The following SPG11 variants were observed in gnomAD, a reference collection of about 807,000 sequenced individuals.
SPG11 encodes SPG11 vesicle trafficking associated, spatacsin, also known as spatacsin.
SPG11 carries 222 observed loss-of-function variants against 274.0 expected under a neutral mutation model. The observed-to-expected ratio is 0.81, with a 90% CI of 0.73 to 0.91. SPG11 has a LOEUF of 0.91. Ranked by LOEUF, SPG11 falls within the 40% of genes least tolerant of loss-of-function variation. The pLI, the probability that SPG11 is intolerant of heterozygous loss-of-function variation, is 0.00. For synonymous variants in SPG11, 1,144 were observed against 1,039.7 expected (o/e 1.10, Z -1.93); for missense variants, 3,114 against 2,872.7 (o/e 1.08, Z -1.92).
chr15:44,570,742 C>T (rs1226938103), intron 33 of SPG11, 84 bp from the exon 34 acceptor site: 2 of 1,551,068 alleles, frequency 1.3e-6, no homozygotes, highest in Non-Finnish European at 1.7e-6. Flanking sequence ...GGAAAAAGGG[C>T]CTGGTGGAGA....
intron 7 of SPG11, among the ~76,000 whole-genome samples, chr15:44,639,051 A>T (rs1386443014): frequency 1.3e-5 from 2 of 151,924 alleles, no homozygotes; most frequent in Non-Finnish European, 2.9e-5. Flanking sequence ...TATCCTGCGT[A>T]TTTTTTTACA....
intron 20 of SPG11, among the ~76,000 whole-genome samples, chr15:44,604,733 C>A (rs562921213): frequency 1.3e-5 from 2 of 151,958 alleles, no homozygotes; most frequent in East Asian, 1.9e-4. Flanking sequence ...TCGAGACCAT[C>A]CTGGCTAACA....
In SPG11 at chr15:44,621,746, C is replaced by G; in HGVS notation, c.2620+13G>C. On this transcript the variant is annotated intron_variant, in intron 14 of 39. Transcript: ENST00000261866. ...ATTCAGTATGTTCATATTTCAGGCT[C>G]TCTCACACTTGCCTTCTGGACTTAT... 1 of 1,613,132 alleles carries G rather than the reference C, an allele frequency of 6.2e-7. No homozygotes were observed. The highest frequency in any genetic ancestry group is 8.5e-7 in the Non-Finnish European group (1 of 1,179,206).
chr15:44,612,731 A>ATT (rs200000184), intron 17 of SPG11, among the ~76,000 whole-genome samples: 2 of 148,712 alleles, frequency 1.3e-5, no homozygotes, highest in South Asian at 4.2e-4. Flanking sequence ...GTGGCTTCTA[A>ATT]TTTTTTTTTT....
At chr15:44,648,061 TAA>T (rs1357710032) in intron 7 of SPG11, among the ~76,000 whole-genome samples, 3 of 152,214 alleles carry the variant, frequency 2.0e-5, no homozygotes, top group Non-Finnish European at 4.4e-5. Flanking sequence ...ACTGAAAGCC[TAA>T]GTTTCTTCAT....
In SPG11 at chr15:44,617,720, G is replaced by A. The variant is rs538571451; in HGVS notation, c.2835-2154C>T. Among the ~76,000 whole-genome samples the A allele has an allele frequency of 4.6e-5, 7 of 152,072 alleles. No homozygotes were observed. The South Asian group carries it at 8.3e-4, about 18-fold the overall frequency. ...AGATGGATTCTCACTCTGTCTCCCA[G>A]GCTGGAGTTCAGTGGCTTGATCTTG... is the stretch of plus-strand genomic sequence containing the variant. On this transcript the variant is annotated intron_variant, in intron 15 of 39. Coordinates refer to ENST00000261866, the MANE Select transcript of SPG11 (RefSeq NM_025137.4).
chr15:44,638,445 A>C (rs1183714553), intron 7 of SPG11, among the ~76,000 whole-genome samples: 1 of 151,970 alleles, frequency 6.6e-6, no homozygotes, highest in African/African-American at 2.4e-5. Context: ...TGGGCGACAG[A>C]GCAAGACTCC....
In SPG11 at chr15:44,606,282, T is replaced by C. The variant is rs1036274761; in HGVS notation, c.3454-191A>G. 5.6e-6 allele frequency: 3 copies of C among 538,902 alleles called. No individual in the cohort carries two copies. The African/African-American group carries it at 5.7e-5, about 10-fold the overall frequency. The allele number at this position is 538,902 out of a possible 1,614,324, so 33.4% of individuals were successfully genotyped here. A position where few individuals can be genotyped will look rare whatever the true frequency, so the allele number is the denominator to read the frequency against. On this transcript the variant is annotated intron_variant, in intron 19 of 39. Transcript: ENST00000261866. ...ATTATGACATATCTTTATATCTTAA[T>C]TAAAACAGAACTGGCTATGTTCCTT...
At chr15:44,627,753 C>A (rs897764472) in intron 10 of SPG11, among the ~76,000 whole-genome samples, 1 of 152,024 alleles carries the variant, frequency 6.6e-6, no homozygotes, top group Non-Finnish European at 1.5e-5. Context: ...CCACACCTGG[C>A]TAATTTTTTT....
Position 44,584,049 on chromosome 15 carries a change from T to C in SPG11, c.5631A>G (p.Ser1877=). The C allele has an allele frequency of 1.9e-6, 3 of 1,614,246 alleles. No individual in the cohort carries two copies. Among genetic ancestry groups the C allele is most frequent in the Non-Finnish European group, 1.7e-6 (2 of 1,180,036 alleles). ...ENRLDWKEQE[S]LNFLIGRLLD... ...GTAGGCGCCCAATCAAAAAGTTTAG[T>C]GACTCCTGCTCTTTCCAATCCAATC... Residue 1877 remains serine (S), a synonymous_variant, in exon 30 of 40, where the codon TCA becomes TCG. Transcript: ENST00000261866.
At chr15:44,616,134 C>G (rs913293940) in intron 15 of SPG11, among the ~76,000 whole-genome samples, 1 of 151,862 alleles carries the variant, frequency 6.6e-6, no homozygotes, top group Non-Finnish European at 1.5e-5. Flanking sequence ...TGGTATATTC[C>G]TTCCCAACTG....
rs916667554 is a variant in SPG11 at position 44,575,266 on chromosome 15, T to C, written c.5867-225A>G. 9 of 544,544 alleles carry C rather than the reference T, an allele frequency of 1.7e-5. No homozygotes were observed. In the African/African-American group the frequency reaches 1.7e-4, roughly 10 times the overall value. The allele number at this position is 544,544 out of a possible 1,614,324, so 33.7% of individuals were successfully genotyped here. ...TCAAAGACCTCATATGCTACAAAGA[T>C]CAAGGCCACCTAATGAGTGCTCTAG... On this transcript the variant is annotated intron_variant, in intron 30 of 39. Transcript: ENST00000261866.
intron 12 of SPG11, 91 bp downstream of exon 12, chr15:44,622,637 T>C (rs1291024985): frequency 9.2e-7 from 1 of 1,082,992 alleles, no homozygotes. Flanking sequence ...AACATTAAAA[T>C]TACTTAAGGT....
chr15:44,602,697 T>C (rs972721885), intron 20 of SPG11, among the ~76,000 whole-genome samples: 10 of 152,120 alleles, frequency 6.6e-5, no homozygotes, highest in African/African-American at 2.4e-4. Flanking sequence ...TTAGCCAGGA[T>C]GGTCTCTATC....
In SPG11 at chr15:44,615,480, G is replaced by A. The variant is rs779783704; in HGVS notation, c.2921C>T (p.Thr974Ile). ...LSRIGGVIQD[T>I]LPVQNYKTKE... Reference sequence around the variant, plus strand: ...GGTCTTGTAGTTTTGAACAGGGAGGGTATCCTGTATTACACCTCCAATACG... The same window carrying A: ...GGTCTTGTAGTTTTGAACAGGGAGGATATCCTGTATTACACCTCCAATACG... The change falls in exon 16 of 40, where the codon ACC becomes ATC. Residue 974 changes from threonine (T) to isoleucine (I), a missense_variant. Coordinates refer to ENST00000261866, the MANE Select transcript of SPG11 (RefSeq NM_025137.4). 1.2e-6 allele frequency: 2 copies of A among 1,613,734 alleles called. No homozygotes were observed. Among genetic ancestry groups the A allele is most frequent in the South Asian group, 1.1e-5 (1 of 91,070 alleles).
At chr15:44,658,723 T>C (rs1377401560) in intron 3 of SPG11, among the ~76,000 whole-genome samples, 1 of 152,074 alleles carries the variant, frequency 6.6e-6, no homozygotes. Context: ...CCTCCCAAAG[T>C]GCTGGGATTA....
Position 44,659,066 on chromosome 15 carries a change from C to A in SPG11, c.667+13G>T, listed in dbSNP as rs2085025377. The A allele has an allele frequency of 6.2e-7, 1 of 1,612,562 alleles. No homozygotes were observed. The highest frequency in any genetic ancestry group is 1.7e-5 in the Admixed American group (1 of 60,028). ...CTCTACGTATCAATCAACACTTCTA[C>A]CACCAAGGATACAGATCCAGCCTAA... On this transcript the variant is annotated intron_variant, in intron 3 of 39. Transcript: ENST00000261866.
intron 28 of SPG11, among the ~76,000 whole-genome samples, chr15:44,586,348 G>A (rs1268744922): frequency 1.3e-5 from 2 of 152,088 alleles, no homozygotes; most frequent in Admixed American, 6.6e-5. Flanking sequence ...TATAGTAAGA[G>A]GTGTTACAGA....
In SPG11 at chr15:44,570,481, A is replaced by G. The variant is rs747227001; in HGVS notation, c.6477+44T>C. The G allele has an allele frequency of 1.8e-5, 29 of 1,613,322 alleles. No homozygotes were observed. The East Asian group carries it at 5.8e-4, about 32-fold the overall frequency. ...GCTCCCACCCTTTCTACTACTCTCAAAGGTTTCCACAGGATGGAGACTGGG... is the reference window on the plus strand; with the variant it reads ...GCTCCCACCCTTTCTACTACTCTCAGAGGTTTCCACAGGATGGAGACTGGG... On this transcript the variant is annotated intron_variant, in intron 34 of 39. Coordinates refer to ENST00000261866, the MANE Select transcript of SPG11 (RefSeq NM_025137.4).
Sources: gnomAD v4.1 joint callset for allele counts (sites outside exome capture counted in the v4.1 genomes callset) on GRCh38, gnomAD v4.1.1 for gene constraint, MANE v1.5 for transcripts, NCBI Gene and HGNC (gene_info 2026-07-23, HGNC 2026-07-21) for gene names.